Variants in SF1 observed in about 807,000 individuals in gnomAD.
The protein encoded by SF1 is splicing factor 1, also known as branch point-binding protein.
In SF1, 7 loss-of-function variants were observed where a neutral mutation model predicts 62.5. The ratio of observed to expected loss-of-function variants is 0.11; its 90% confidence interval spans 0.06 to 0.21. The LOEUF (loss-of-function observed/expected upper bound fraction) is 0.21. Ranked by LOEUF, SF1 falls within the 10% of genes least tolerant of loss-of-function variation. The probability of loss-of-function intolerance (pLI) is 1.00; values close to 1 mark genes in which losing one functional copy is unlikely to be tolerated. For synonymous variants in SF1, 394 were observed against 323.6 expected (o/e 1.22, Z -2.33); for missense variants, 578 against 884.0 (o/e 0.65, Z 4.39).
Position 64,773,526 on chromosome 11 carries a change from AAAG to A in SF1, c.161-24_161-22del, listed in dbSNP as rs542327400. The A allele has an allele frequency of 2.0e-4, 312 of 1,598,064 alleles. 3 individuals are homozygous for A. The South Asian group carries it at 3.3e-3, about 17-fold the overall frequency. ...TTGCACTGGAAGAAACCAGGTTAGG[AAAG>A]AAAAAAAAGGATGGAAAAAAGACAA... On this transcript the variant is annotated intron_variant, in intron 2 of 12. Coordinates refer to ENST00000377390, the MANE Select transcript of SF1 (RefSeq NM_004630.4).
chr11:64,775,391 G>A (rs1157787415), intron 2 of SF1, among the ~76,000 whole-genome samples: 1 of 152,210 alleles, frequency 6.6e-6, no homozygotes, highest in Non-Finnish European at 1.5e-5. Context: ...CATTTCACAA[G>A]GATGTAAAGA....
rs949098648 is a variant in SF1, at chr11:64,778,020, C to T, written c.31+342G>A. On this transcript the variant is annotated intron_variant, in intron 1 of 12. Transcript: ENST00000377390. Reference sequence around the variant, plus strand: ...CCGCCGGCCGGGCCCGGCTGCTGGTCCTTACGCGGCGGCTGGGGTGGCGGC... The same window carrying T: ...CCGCCGGCCGGGCCCGGCTGCTGGTTCTTACGCGGCGGCTGGGGTGGCGGC... 36 of 1,006,374 alleles carry T rather than the reference C, an allele frequency of 3.6e-5. 2 individuals are homozygous for T. The Admixed American group carries it at 1.9e-3, about 52-fold the overall frequency. The allele number at this position is 1,006,374 out of a possible 1,614,324, so 62.3% of individuals were successfully genotyped here. A position where few individuals can be genotyped will look rare whatever the true frequency, so the allele number is the denominator to read the frequency against.
intron 3 of SF1, 162 bp from the exon 4 acceptor site, chr11:64,770,570 G>A: frequency 1.4e-6 from 1 of 717,470 alleles, no homozygotes; most frequent in Admixed American, 3.0e-5. Context: ...TGTGGAATGG[G>A]GAGATGGAAG....
At chr11:64,771,092 G>A (rs963870938) in intron 3 of SF1, among the ~76,000 whole-genome samples, 1 of 152,232 alleles carries the variant, frequency 6.6e-6, no homozygotes, top group East Asian at 1.9e-4. Flanking sequence ...CAGCTTCTGC[G>A]AGAGGCTGCA....
intron 1 of SF1, chr11:64,777,650 T>C: frequency 3.0e-6 from 3 of 985,598 alleles, no homozygotes; most frequent in Non-Finnish European, 3.6e-6. Flanking sequence ...TAGCACCCCG[T>C]CCAGCGCTGA....
intron 1 of SF1, chr11:64,777,959 C>CCTCT: frequency 1.0e-6 from 1 of 988,992 alleles, no homozygotes; most frequent in Non-Finnish European, 1.2e-6. Flanking sequence ...CCGCGCGACG[C>CCTCT]CTCTCGCGCT....
rs998669093 is a variant in SF1 at position 64,771,954 on chromosome 11, T to C, written c.236+1476A>G. 4.1e-5 allele frequency: 40 copies of C among 985,326 alleles called. 1 individual carries two copies. In the African/African-American group the frequency reaches 6.8e-4, roughly 17 times the overall value. 61.0% of individuals were successfully genotyped at this position (985,326 alleles called of 1,614,324 possible). On this transcript the variant is annotated intron_variant, in intron 3 of 12. Coordinates refer to ENST00000377390, the MANE Select transcript of SF1 (RefSeq NM_004630.4). The stretch of plus-strand genomic sequence containing the variant: ...CCCTGCTCTGGTTTTATTTCTAACA[T>C]GCTTGACATTTCTAATTCCCACCCC...
At chr11:64,772,222 A>G (rs1938433529) in intron 3 of SF1, 1 of 985,354 alleles carries the variant, frequency 1.0e-6, no homozygotes, top group East Asian at 1.1e-4. Flanking sequence ...TAAAAATTCA[A>G]CCTTTGGAGG....
Position 64,766,026 on chromosome 11 carries a change from G to C in SF1, c.1712C>G (p.Pro571Arg), listed in dbSNP as rs1438055254. 1.2e-6 allele frequency: 2 copies of C among 1,609,540 alleles called. No homozygotes were observed. Among genetic ancestry groups the C allele is most frequent in the Non-Finnish European group, 1.7e-6 (2 of 1,178,600 alleles). Reference protein sequence around the residue: ...QGNPTMVPLPPGVQPPLPPGA... With the variant: ...QGNPTMVPLPRGVQPPLPPGA... ...AGGCGGCAGAGGCGGCTGGACCCCG[G>C]GGGGCAGGGGCACCATAGTGGGGTT... is the stretch of plus-strand genomic sequence containing the variant. Residue 571 changes from proline (P) to arginine (R), a missense_variant, in exon 13 of 13, where the codon CCC becomes CGC. This residue lies in a region of SF1 where 410 missense variants were observed against 452.4 expected (regional missense o/e 0.91). Coordinates refer to ENST00000377390, the MANE Select transcript of SF1 (RefSeq NM_004630.4).
At chr11:64,766,294 G>GGGGGGGGGGGGCCCCCCCCCC in intron 12 of SF1, 139 bp from the exon 13 acceptor site, 1 of 85,182 alleles carries the variant, frequency 1.2e-5, no homozygotes, top group Non-Finnish European at 2.3e-5. Context: ...GGTGGGCGGG[G>GGGGGGGGGGGGCCCCCCCCCC]CTGGTGATGG....
intron 1 of SF1, chr11:64,777,489 G>A (rs1246969517): frequency 2.0e-6 from 2 of 984,980 alleles, no homozygotes; most frequent in East Asian, 1.1e-4. Context: ...ATCATCTGAA[G>A]CATGCCAACC....
intron 1 of SF1, chr11:64,777,587 G>A (rs772004726): frequency 1.6e-5 from 16 of 985,324 alleles, no homozygotes; most frequent in Non-Finnish European, 1.8e-5. Context: ...GACCAGAAGG[G>A]AGTCGCTGCA....
chr11:64,778,115 CCGGGGGACGGTGGCGGTGGAGGCGG>C, intron 1 of SF1: 1 of 858,686 alleles, frequency 1.2e-6, no homozygotes, highest in Non-Finnish European at 1.4e-6. Context: ...GTACGAGGCG[CCGGGGGACGGTGGCGGTGGAGGCGG>C]CGGCGGCTGC....
Position 64,768,923 on chromosome 11 carries a change from T to C in SF1, c.887+99A>G. The C allele has an allele frequency of 3.6e-6, 3 of 839,764 alleles. No individual in the cohort carries two copies. In the South Asian group the frequency reaches 4.0e-5, roughly 11 times the overall value. The allele number at this position is 839,764 out of a possible 1,614,324, so 52.0% of individuals were successfully genotyped here. On this transcript the variant is annotated intron_variant, in intron 8 of 12. Transcript: ENST00000377390. ...TTACAGACCACACTAACAGAAAGGATGTTTCTCTTGGTAAGATTAACAGCA... is the reference window on the plus strand; with the variant it reads ...TTACAGACCACACTAACAGAAAGGACGTTTCTCTTGGTAAGATTAACAGCA...
intron 1 of SF1, chr11:64,777,562 A>C: frequency 1.0e-6 from 1 of 985,376 alleles, no homozygotes; most frequent in Non-Finnish European, 1.2e-6. Flanking sequence ...TACGGTTCCC[A>C]TTCTGGTTCC....
intron 7 of SF1, 34 bp downstream of exon 7, chr11:64,769,189 G>T (rs779845121): frequency 6.2e-7 from 1 of 1,609,730 alleles, no homozygotes; most frequent in Non-Finnish European, 8.5e-7. Context: ...AGGTTCTTCA[G>T]GTCTCTACAC....
At position 64,765,878 on chromosome 11, in the gene SF1, C is replaced by T; in HGVS notation, c.1860G>A (p.Val620=). ...SNFVTMMGMG[V]AGMPPFGMPP... ...GCATCCCGAAGGGCGGCATGCCCGC[C>T]ACCCCCATGCCCATCATGGTGACAA... Residue 620 remains valine (V), a synonymous_variant, in exon 13 of 13, where the codon GTG becomes GTA. Transcript: ENST00000377390. 6.4e-7 allele frequency: 1 copy of T among 1,563,982 alleles called. No homozygotes were observed.
intron 2 of SF1, among the ~76,000 whole-genome samples, chr11:64,774,620 C>G (rs1938856916): frequency 2.0e-5 from 3 of 152,182 alleles, no homozygotes. Context: ...GGCTATACCA[C>G]ACCCACACAC....
chr11:64,767,655 G>T lies in SF1; in HGVS notation c.1258C>A (p.Pro420Thr). The T allele has an allele frequency of 6.2e-7, 1 of 1,602,450 alleles. No individual in the cohort carries two copies. The change falls in exon 10 of 13, where the codon CCC becomes ACC. Residue 420 changes from proline to threonine, a missense_variant. Pro to Thr is a conservative substitution (Grantham distance 38). Transcript: ENST00000377390. ...GHPMQHNPNG[P>T]PPPWMQPPPP... ...GGTGGCTGCATCCAAGGGGGTGGGG[G>T]TCCATTGGGGTTGTGCTGCATGGGA...
Sources: gnomAD v4.1 joint callset for allele counts (sites outside exome capture counted in the v4.1 genomes callset) on GRCh38, gnomAD v4.1.1 for gene constraint, gnomAD v4.1.1 regional missense constraint, MANE v1.5 for transcripts, NCBI Gene and HGNC (gene_info 2026-07-23, HGNC 2026-07-21) for gene names.